Variants in GALNT1 observed in about 807,000 individuals in gnomAD.
GALNT1 encodes the protein polypeptide N-acetylgalactosaminyltransferase 1.
GALNT1 carries 17 observed loss-of-function variants against 65.7 expected under a neutral mutation model. That is an observed-to-expected ratio of 0.26 (90% confidence interval 0.18 to 0.39). The LOEUF (loss-of-function observed/expected upper bound fraction) is 0.39. Among genes scored for constraint, GALNT1 ranks in the 10% least tolerant of loss-of-function variants. The pLI is 1.00. For synonymous variants in GALNT1, 210 were observed against 219.7 expected (o/e 0.96, Z 0.39); for missense variants, 460 against 672.8 (o/e 0.68, Z 3.50).
At chr18:35,684,345 T>C (rs2047834462) in intron 5 of GALNT1, among the ~76,000 whole-genome samples, 1 of 152,192 alleles carries the variant, frequency 6.6e-6, no homozygotes, top group Non-Finnish European at 1.5e-5. Flanking sequence ...GCTGGATCTA[T>C]ATTTTTTCCC....
At chr18:35,606,088 C>A (rs2046643708) in intron 1 of GALNT1, among the ~76,000 whole-genome samples, 1 of 152,114 alleles carries the variant, frequency 6.6e-6, no homozygotes, top group South Asian at 2.1e-4. Context: ...TTGACTGGGG[C>A]CTTGGTTCTG....
At chr18:35,680,027 G>C (rs374044862) in intron 4 of GALNT1, among the ~76,000 whole-genome samples, 1 of 151,794 alleles carries the variant, frequency 6.6e-6, no homozygotes, top group Admixed American at 6.6e-5. Flanking sequence ...TGATCATTTC[G>C]CTTCCATGCT....
chr18:35,663,397 T>G (rs2047503766), intron 2 of GALNT1, among the ~76,000 whole-genome samples: 1 of 152,138 alleles, frequency 6.6e-6, no homozygotes, highest in East Asian at 1.9e-4. Flanking sequence ...GCCAACACCA[T>G]GCAGTGACTC....
chr18:35,637,304 A>G (rs1389506457), intron 1 of GALNT1, among the ~76,000 whole-genome samples: 1 of 152,246 alleles, frequency 6.6e-6, no homozygotes, highest in African/African-American at 2.4e-5. Flanking sequence ...AGATGGGCCA[A>G]AAGCTGGGCT....
rs144479686 is a variant in GALNT1 at position 35,620,075 on chromosome 18, G to A, written c.-103-34485G>A. 1.8e-3 allele frequency among the ~76,000 whole-genome samples: 279 copies of A among 152,260 alleles called. 1 individual carries two copies. Among genetic ancestry groups the A allele is most frequent in the African/African-American group, 6.5e-3 (269 of 41,552 alleles). On this transcript the variant is annotated intron_variant, in intron 1 of 11. Coordinates refer to ENST00000269195, the MANE Select transcript of GALNT1 (RefSeq NM_020474.4). Reference sequence around the variant, plus strand: ...CCCCACAAAAAGGTGCTTTAAACAAGATAGAGGTTTTTTCCTCTCAGGATA... The same window carrying A: ...CCCCACAAAAAGGTGCTTTAAACAAAATAGAGGTTTTTTCCTCTCAGGATA...
intron 1 of GALNT1, among the ~76,000 whole-genome samples, chr18:35,644,494 T>G (rs1335837912): frequency 1.3e-5 from 2 of 152,226 alleles, no homozygotes; most frequent in Non-Finnish European, 2.9e-5. Flanking sequence ...AGCTGCTACT[T>G]GGTTTTGACA....
At chr18:35,595,643 A>C (rs2143902862) in intron 1 of GALNT1, among the ~76,000 whole-genome samples, 1 of 152,310 alleles carries the variant, frequency 6.6e-6, no homozygotes, top group African/African-American at 2.4e-5. Context: ...TTGCATAAAA[A>C]ATACTCTTGG....
chr18:35,680,218 A>T (rs932882271), intron 4 of GALNT1, among the ~76,000 whole-genome samples: 1 of 152,146 alleles, frequency 6.6e-6, no homozygotes. Flanking sequence ...TCTCCCTGGA[A>T]CATTGTTCTC....
rs2047728969 is a variant in GALNT1, at chr18:35,677,600, A to C, written c.324A>C (p.Thr108=). ...TTTGCTTTGTCTCTAGGTGTAAAACAAAGGTGTATCCAGATAATCTTCCTA... is the reference window on the plus strand; with the variant it reads ...TTTGCTTTGTCTCTAGGTGTAAAACCAAGGTGTATCCAGATAATCTTCCTA... The part of the protein sequence containing the change: ...LPDVRLEGCK[T]KVYPDNLPTT... Residue 108 remains threonine, a synonymous_variant, in exon 4 of 12, where the codon ACA becomes ACC. Coordinates refer to ENST00000269195, the MANE Select transcript of GALNT1 (RefSeq NM_020474.4). 1.9e-6 allele frequency: 3 copies of C among 1,609,310 alleles called. No homozygotes were observed.
At chr18:35,638,566 T>G (rs1421984901) in intron 1 of GALNT1, among the ~76,000 whole-genome samples, 2 of 152,098 alleles carry the variant, frequency 1.3e-5, no homozygotes, top group East Asian at 3.9e-4. Flanking sequence ...TTACATCTCC[T>G]TGTTATCTAA....
At chr18:35,613,876 G>GAAA (rs373501510) in intron 1 of GALNT1, among the ~76,000 whole-genome samples, 1 of 149,574 alleles carries the variant, frequency 6.7e-6, no homozygotes. Flanking sequence ...AATGGTGGGG[G>GAAA]AAAAAAAAAC....
intron 1 of GALNT1, among the ~76,000 whole-genome samples, chr18:35,620,424 GA>G (rs1277794287): frequency 1.8e-4 from 27 of 152,180 alleles, no homozygotes; most frequent in African/African-American, 4.6e-4. Flanking sequence ...AAAAGAAGAG[GA>G]AACTATTGAA....
chr18:35,667,498 A>G (rs906224615), intron 3 of GALNT1, among the ~76,000 whole-genome samples: 10 of 152,222 alleles, frequency 6.6e-5, no homozygotes, highest in African/African-American at 2.4e-4. Context: ...ACCCCTAAAA[A>G]TAACATAAAC....
chr18:35,664,177 C>T (rs2047513909), intron 3 of GALNT1: 1 of 195,080 alleles, frequency 5.1e-6, no homozygotes, highest in South Asian at 9.2e-5. Flanking sequence ...TATGTATACA[C>T]CTGTGTAACC....
chr18:35,608,576 GT>G (rs2046679134), intron 1 of GALNT1, among the ~76,000 whole-genome samples: 1 of 152,048 alleles, frequency 6.6e-6, no homozygotes, highest in Non-Finnish European at 1.5e-5. Flanking sequence ...GATTCACTTT[GT>G]TTCTTCATTT....
chr18:35,593,077 G>A (rs568312284), intron 1 of GALNT1, among the ~76,000 whole-genome samples: 3 of 152,254 alleles, frequency 2.0e-5, no homozygotes, highest in East Asian at 1.9e-4. Context: ...AGGGTTCCAC[G>A]GGAGAAGGAG....
Position 35,691,025 on chromosome 18 carries a change from GA to G in GALNT1, c.993del (p.Gly332GlufsTer52). On this transcript the variant is annotated frameshift_variant, in exon 8 of 12. Transcript: ENST00000269195. LOFTEE classifies it high-confidence loss of function. ...LEISFRIWQC[G>X]GTLEIVTCSH... ...TGCTGTTTTCAGATTTGGCAGTGTGGAGGAACTTTGGAAATTGTTACATGCT... is the reference window on the plus strand; with the variant it reads ...TGCTGTTTTCAGATTTGGCAGTGTGGGGAACTTTGGAAATTGTTACATGCT... The G allele has an allele frequency of 6.2e-7, 1 of 1,602,532 alleles. No individual in the cohort carries two copies. Among genetic ancestry groups the G allele is most frequent in the Non-Finnish European group, 8.5e-7 (1 of 1,175,686 alleles).
intron 1 of GALNT1, among the ~76,000 whole-genome samples, chr18:35,603,754 C>T (rs563277686): frequency 6.6e-6 from 1 of 152,192 alleles, no homozygotes; most frequent in South Asian, 2.1e-4. Flanking sequence ...TACAGTTAAG[C>T]CAGCTCTAAA....
chr18:35,652,649 G>C (rs1368632479), intron 1 of GALNT1, among the ~76,000 whole-genome samples: 2 of 152,104 alleles, frequency 1.3e-5, no homozygotes, highest in Non-Finnish European at 1.5e-5. Context: ...ACCATCATCT[G>C]TCTAGCTAGT....
Sources: allele counts gnomAD v4.1 joint callset (sites outside exome capture counted in the v4.1 genomes callset), GRCh38; gene constraint gnomAD v4.1.1; transcripts MANE v1.5; gene names NCBI Gene and HGNC (gene_info 2026-07-23, HGNC 2026-07-21).